The following RBM26 variants were observed in gnomAD, a reference collection of about 807,000 sequenced individuals.
RBM26 encodes the protein RNA-binding protein 26.
Under a neutral mutation model 123.6 loss-of-function variants are expected in RBM26, and 30 were observed. The ratio of observed to expected loss-of-function variants is 0.24; its 90% CI spans 0.18 to 0.33. RBM26 has a LOEUF of 0.33. Among genes scored for constraint, RBM26 ranks in the 10% least tolerant of loss-of-function variants. The probability of loss-of-function intolerance (pLI) is 1.00; values close to 1 mark genes in which losing one functional copy is unlikely to be tolerated. For missense variants in RBM26, 947 were observed against 1,203.6 expected, an observed-to-expected ratio of 0.79 and a Z score of 3.15; for synonymous variants, 400 against 404.4, an observed-to-expected ratio of 0.99 and a Z score of 0.13.
intron 18 of RBM26, among the ~76,000 whole-genome samples, chr13:79,340,220 C>G (rs1182503337): frequency 6.6e-6 from 1 of 151,882 alleles, no homozygotes; most frequent in Non-Finnish European, 1.5e-5. Flanking sequence ...CATCAAGTTT[C>G]CAGAGAATGC....
chr13:79,345,079 C>T (rs760358666), intron 14 of RBM26, among the ~76,000 whole-genome samples: 2 of 152,038 alleles, frequency 1.3e-5, no homozygotes, highest in Non-Finnish European at 2.9e-5. Flanking sequence ...ATTACTACAT[C>T]ACTGAGAAAG....
rs1306773550 is a variant in RBM26 at position 79,402,304 on chromosome 13, AT to A, written c.71+3399del. ...ATTTTAATAAAGTTCAAAATTCTCA[AT>A]TTATGAAAAAGACATTGAAAATTAT... On this transcript the variant is annotated intron_variant, in intron 1 of 21. Coordinates refer to ENST00000438737, the MANE Select transcript of RBM26 (RefSeq NM_001366735.2). Among the ~76,000 whole-genome samples the A allele has an allele frequency of 1.2e-3, 180 of 152,278 alleles. 1 individual carries two copies. Among genetic ancestry groups the A allele is most frequent in the Non-Finnish European group, 2.9e-4 (20 of 68,002 alleles).
At position 79,396,237 on chromosome 13, in the gene RBM26, T is replaced by TTAAGA. The variant is rs1555345806; in HGVS notation, c.71+9466_71+9467insTCTTA. 2.1e-3 allele frequency among the ~76,000 whole-genome samples: 318 copies of TTAAGA among 152,132 alleles called. 2 individuals carry two copies. Among genetic ancestry groups the TTAAGA allele is most frequent in the African/African-American group, 7.3e-3 (303 of 41,458 alleles). On this transcript the variant is annotated intron_variant, in intron 1 of 21. Coordinates refer to ENST00000438737, the MANE Select transcript of RBM26 (RefSeq NM_001366735.2). ...AAAACCAACGACCTAGGTTCCACTT[T>TTAAGA]AAGAGGAAAAGGACAGCAAATTAAA...
chr13:79,373,625 A>G (rs1347211255), intron 3 of RBM26, among the ~76,000 whole-genome samples: 1 of 101,590 alleles, frequency 9.8e-6, no homozygotes, highest in East Asian at 2.3e-4. Context: ...TATATTATAT[A>G]TTACTATATA....
intron 17 of RBM26, among the ~76,000 whole-genome samples, 166 bp downstream of exon 17, chr13:79,342,498 G>A (rs3742117): frequency 0.5 from 76,240 of 151,586 alleles, 19,556 homozygotes; most frequent in Middle Eastern, 0.6. Flanking sequence ...AAGATTAGTA[G>A]AGTTTACTTG....
chr13:79,333,279 C>T (rs957900287), intron 20 of RBM26, among the ~76,000 whole-genome samples: 1 of 152,092 alleles, frequency 6.6e-6, no homozygotes, highest in Non-Finnish European at 1.5e-5. Context: ...AAAGAGAACA[C>T]CCTAAGATCA....
At chr13:79,373,662 A>C (rs1411199715) in intron 3 of RBM26, among the ~76,000 whole-genome samples, 1 of 105,252 alleles carries the variant, frequency 9.5e-6, no homozygotes, top group East Asian at 2.3e-4. Context: ...TTATATATTT[A>C]TATATTATAT....
Position 79,366,052 on chromosome 13 carries a change from C to T in RBM26, c.1276+3G>A, listed in dbSNP as rs749912053. On this transcript the variant is annotated splice_donor_region_variant and intron_variant, in intron 8 of 21. Coordinates refer to ENST00000438737, the MANE Select transcript of RBM26 (RefSeq NM_001366735.2). ...ACGAATATAAAAAGGGCCAAAACTG[C>T]ACCTGCAGTAAAAAGAGAGGGTGGA... is the stretch of plus-strand genomic sequence containing the variant. 1.9e-6 allele frequency: 3 copies of T among 1,613,206 alleles called. No homozygotes were observed. The South Asian group carries it at 3.3e-5, about 18-fold the overall frequency.
At chr13:79,393,284 C>T (rs2078260124) in intron 1 of RBM26, among the ~76,000 whole-genome samples, 1 of 152,188 alleles carries the variant, frequency 6.6e-6, no homozygotes, top group African/African-American at 2.4e-5. Context: ...GAACAAAGAT[C>T]TCCCCAGCAA....
At chr13:79,400,991 CTTTTG>C (rs1415578534) in intron 1 of RBM26, among the ~76,000 whole-genome samples, 1 of 152,128 alleles carries the variant, frequency 6.6e-6, no homozygotes, top group African/African-American at 2.4e-5. Context: ...AGCGTTTTAT[CTTTTG>C]TTTTGTTTTT....
chr13:79,329,715 A>G (rs1471650476), intron 20 of RBM26, among the ~76,000 whole-genome samples: 1 of 152,156 alleles, frequency 6.6e-6, no homozygotes, highest in Non-Finnish European at 1.5e-5. Flanking sequence ...AACACCAATC[A>G]AGCTATATCA....
chr13:79,358,031 T>A (rs2139637312), intron 11 of RBM26, among the ~76,000 whole-genome samples: 1 of 152,072 alleles, frequency 6.6e-6, no homozygotes, highest in East Asian at 1.9e-4. Context: ...TACAGGTGCC[T>A]GCCACCACAC....
chr13:79,326,098 G>A (rs1252256072), intron 20 of RBM26, among the ~76,000 whole-genome samples: 1 of 152,112 alleles, frequency 6.6e-6, no homozygotes, highest in African/African-American at 2.4e-5. Context: ...TCTGTGATGT[G>A]TACACAACAA....
chr13:79,358,390 C>A lies in RBM26; in HGVS notation c.1573G>T (p.Val525Phe), dbSNP rs2074276526. ...TTGGTATTTTCATTTCCAAATTGAA[C>A]CTTCTTCTGAAAGCCTGGGCTGTTT... is the stretch of plus-strand genomic sequence containing the variant. ...RTNSPGFQKK[V>F]QFGNENTKLE... The change falls in exon 11 of 22, where the codon GTT (valine) becomes TTT (phenylalanine). Residue 525 changes from valine (V) to phenylalanine (F), a missense_variant. Transcript: ENST00000438737. 1 of 1,611,300 alleles carries A rather than the reference C, an allele frequency of 6.2e-7. No homozygotes were observed.
In RBM26 at chr13:79,366,860, C is replaced by T; in HGVS notation, c.908G>A (p.Cys303Tyr). ...AAAAGGACACATGTCTCCTCTCATA[C>T]AAAAACCCTTTTCTATGAGGAAGGA... ...RCRDYDEKGF[C>Y]MRGDMCPFDH... is the part of the protein sequence containing the mutation. Residue 303 changes from cysteine to tyrosine, a missense_variant, in exon 7 of 22, where the codon TGT becomes TAT. Physicochemically the swap from Cys to Tyr is radical, Grantham distance 194 (BLOSUM62 -2). Coordinates refer to ENST00000438737, the MANE Select transcript of RBM26 (RefSeq NM_001366735.2). 6.3e-7 allele frequency: 1 copy of T among 1,599,606 alleles called. No individual in the cohort carries two copies. The highest frequency in any genetic ancestry group is 8.5e-7 in the Non-Finnish European group (1 of 1,171,412).
chr13:79,320,183 GA>G lies in RBM26; in HGVS notation c.*437del. The G allele has an allele frequency of 2.1e-6, 2 of 952,928 alleles. No homozygotes were observed. The highest frequency in any genetic ancestry group is 2.5e-6 in the Non-Finnish European group (2 of 800,348). 59.0% of individuals were successfully genotyped at this position (952,928 alleles called of 1,614,324 possible). ...GTAATATTATAATACATAACTTGGAGACTTTAGTTAGAGTACTATGTTATCT... is the reference window on the plus strand; with the variant it reads ...GTAATATTATAATACATAACTTGGAGCTTTAGTTAGAGTACTATGTTATCT... On this transcript the variant is annotated 3_prime_UTR_variant, in exon 22 of 22. Transcript: ENST00000438737.
chr13:79,400,194 A>C (rs1329382377), intron 1 of RBM26, among the ~76,000 whole-genome samples: 1 of 152,242 alleles, frequency 6.6e-6, no homozygotes. Context: ...ATTACAAAGA[A>C]AACCATTCAT....
Position 79,319,141 on chromosome 13 carries a change from G to T in RBM26, c.*1480C>A. On this transcript the variant is annotated 3_prime_UTR_variant, in exon 22 of 22. Transcript: ENST00000438737. ...CACAACTTCAACCCCAATTAGGGGT[G>T]TATGGGGAAGAAGAAAAAGAACAGC... 3 of 984,556 alleles carry T rather than the reference G, an allele frequency of 3.0e-6. No individual in the cohort carries two copies. Among genetic ancestry groups the T allele is most frequent in the Non-Finnish European group, 3.6e-6 (3 of 829,338 alleles). 61.0% of individuals were successfully genotyped at this position (984,556 alleles called of 1,614,324 possible). A position where few individuals can be genotyped will look rare whatever the true frequency, so the allele number is the denominator to read the frequency against.
chr13:79,368,604 A>G, intron 6 of RBM26, 126 bp downstream of exon 6: 2 of 834,748 alleles, frequency 2.4e-6, no homozygotes, highest in Non-Finnish European at 3.8e-6. Flanking sequence ...GAATTCAAAA[A>G]GTGACTAAGG....
Sources: gnomAD v4.1 joint callset for allele counts (sites outside exome capture counted in the v4.1 genomes callset) on GRCh38, gnomAD v4.1.1 for gene constraint, MANE v1.5 for transcripts, NCBI Gene and HGNC (gene_info 2026-07-23, HGNC 2026-07-21) for gene names.